Variants in RPTOR observed in about 807,000 individuals in gnomAD.
RPTOR encodes the protein regulatory-associated protein of mTOR.
A neutral mutation model predicts 169.9 loss-of-function variants in RPTOR; 21 were observed. The observed-to-expected ratio is 0.12, with a 90% CI of 0.09 to 0.18. RPTOR has a LOEUF of 0.18. Among genes scored for constraint, RPTOR ranks in the 10% least tolerant of loss-of-function variants. RPTOR has a pLI of 1.00. For missense variants in RPTOR, 1,133 were observed against 1,855.9 expected (o/e 0.61, Z 7.16); for synonymous variants, 732 against 753.2 (o/e 0.97, Z 0.46).
At chr17:80,917,937 C>T (rs951373339) in intron 21 of RPTOR, among the ~76,000 whole-genome samples, 2 of 152,310 alleles carry the variant, frequency 1.3e-5, no homozygotes, top group South Asian at 4.1e-4. Flanking sequence ...AAGCCACGGG[C>T]GTGCACACCC....
At chr17:80,872,061 A>G (rs2068057897) in intron 13 of RPTOR, among the ~76,000 whole-genome samples, 2 of 152,176 alleles carry the variant, frequency 1.3e-5, no homozygotes, top group African/African-American at 2.4e-5. Flanking sequence ...GGAATTTCCA[A>G]ACTAGAGGTT....
At chr17:80,713,229 C>T (rs561699809) in intron 4 of RPTOR, among the ~76,000 whole-genome samples, 264 of 152,216 alleles carry the variant, frequency 1.7e-3, no homozygotes, top group Middle Eastern at 0.01. Flanking sequence ...CCTCCACGCC[C>T]GGCTAATTTT....
intron 24 of RPTOR, among the ~76,000 whole-genome samples, chr17:80,938,477 T>C (rs1489273275): frequency 6.6e-6 from 1 of 152,250 alleles, no homozygotes; most frequent in African/African-American, 2.4e-5. Context: ...CCGCGGGTTT[T>C]TTCTTATTAC....
intron 21 of RPTOR, 32 bp downstream of exon 21, chr17:80,908,961 G>A: frequency 6.7e-7 from 1 of 1,485,252 alleles, no homozygotes; most frequent in Non-Finnish European, 9.4e-7. Flanking sequence ...CCGCGCTCCA[G>A]CTGCTGGTTC....
intron 6 of RPTOR, chr17:80,773,771 G>A (rs984163238): frequency 1.0e-6 from 1 of 985,396 alleles, no homozygotes; most frequent in East Asian, 1.1e-4. Flanking sequence ...CCTTGCTGGG[G>A]ACGTGTAGTC....
chr17:80,771,484 C>T (rs571909271), intron 6 of RPTOR, among the ~76,000 whole-genome samples: 3 of 152,152 alleles, frequency 2.0e-5, no homozygotes, highest in South Asian at 2.1e-4. Context: ...AGCTTCAGGA[C>T]GGAAGGGGGT....
intron 5 of RPTOR, among the ~76,000 whole-genome samples, chr17:80,751,856 C>T (rs949237368): frequency 1.1e-4 from 17 of 152,204 alleles, no homozygotes; most frequent in African/African-American, 3.9e-4. Flanking sequence ...TCCACGACCC[C>T]GCATTAGCAG....
intron 11 of RPTOR, among the ~76,000 whole-genome samples, chr17:80,852,118 C>T (rs1465876540): frequency 6.6e-6 from 1 of 152,162 alleles, no homozygotes; most frequent in Non-Finnish European, 1.5e-5. Flanking sequence ...GGTAGCCGAA[C>T]ACTATGATGC....
chr17:80,790,748 G>A (rs2067039118), intron 6 of RPTOR, among the ~76,000 whole-genome samples: 2 of 152,168 alleles, frequency 1.3e-5, no homozygotes, highest in Non-Finnish European at 1.5e-5. Flanking sequence ...TTTTTAAGGG[G>A]TGTTATTTGT....
chr17:80,573,833 G>T (rs2064932662), intron 1 of RPTOR, among the ~76,000 whole-genome samples: 1 of 152,182 alleles, frequency 6.6e-6, no homozygotes, highest in South Asian at 2.1e-4. Context: ...ACATCCCACA[G>T]ATCAGAAGGC....
chr17:80,904,856 T>C (rs375941208), intron 20 of RPTOR, among the ~76,000 whole-genome samples: 8 of 152,226 alleles, frequency 5.3e-5, no homozygotes, highest in African/African-American at 1.9e-4. Context: ...CACAGCGTCA[T>C]ACTTTTTACT....
chr17:80,624,532 A>G (rs1160792535), intron 1 of RPTOR, among the ~76,000 whole-genome samples: 1 of 152,236 alleles, frequency 6.6e-6, no homozygotes, highest in Non-Finnish European at 1.5e-5. Context: ...AAATTAATGT[A>G]GTACTAGTAG....
intron 13 of RPTOR, among the ~76,000 whole-genome samples, chr17:80,858,704 T>C (rs1297086464): frequency 6.6e-6 from 1 of 151,888 alleles, no homozygotes; most frequent in Non-Finnish European, 1.5e-5. Context: ...AGGAAGGGCC[T>C]TGAGGGGGTG....
chr17:80,622,877 T>G (rs2065364951), intron 1 of RPTOR, among the ~76,000 whole-genome samples: 1 of 152,168 alleles, frequency 6.6e-6, no homozygotes, highest in Admixed American at 6.5e-5. Flanking sequence ...CACTCCGGCA[T>G]GGGTGACAGA....
At chr17:80,923,785 C>G (rs1452874985) in intron 23 of RPTOR, 112 bp downstream of exon 23, 1 of 1,245,924 alleles carries the variant, frequency 8.0e-7, no homozygotes, top group Non-Finnish European at 1.1e-6. Context: ...GGGGCAGGAC[C>G]CACCCTGCCG....
intron 1 of RPTOR, among the ~76,000 whole-genome samples, chr17:80,604,858 C>T (rs190055480): frequency 2.2e-4 from 33 of 152,204 alleles, no homozygotes; most frequent in South Asian, 1.2e-3. Flanking sequence ...GCCCCTCCCA[C>T]GACACGTGGA....
intron 1 of RPTOR, among the ~76,000 whole-genome samples, chr17:80,613,816 GCT>G (rs887695342): frequency 4.6e-5 from 7 of 152,086 alleles, no homozygotes; most frequent in African/African-American, 1.7e-4. Context: ...GGACACAGGT[GCT>G]CTCTGTTGTT....
At chr17:80,734,428 A>G (rs2143220942) in intron 5 of RPTOR, among the ~76,000 whole-genome samples, 1 of 152,292 alleles carries the variant, frequency 6.6e-6, no homozygotes, top group African/African-American at 2.4e-5. Context: ...CCTAGGGGAA[A>G]TCCTCAAGCA....
chr17:80,611,705 TTCG>T lies in RPTOR; in HGVS notation c.163-13983_163-13981del, dbSNP rs113066656. Among the ~76,000 whole-genome samples, 393 of 152,174 alleles carry T rather than the reference TTCG, an allele frequency of 2.6e-3. 2 individuals are homozygous for T. The highest frequency in any genetic ancestry group is 9.2e-3 in the African/African-American group (380 of 41,522). On this transcript the variant is annotated intron_variant, in intron 1 of 33. Transcript: ENST00000306801. ...TACTTCCACAATATTATCTAAATAGTTCGTCTATATTGAAATTTCTTCAGCTGT... is the reference window on the plus strand; with the variant it reads ...TACTTCCACAATATTATCTAAATAGTTCTATATTGAAATTTCTTCAGCTGT...
Sources: allele counts gnomAD v4.1 joint callset (sites outside exome capture counted in the v4.1 genomes callset), GRCh38; gene constraint gnomAD v4.1.1; transcripts MANE v1.5; gene names NCBI Gene and HGNC (gene_info 2026-07-23, HGNC 2026-07-21).